The following KDM5B variants were observed in gnomAD, a reference collection of about 807,000 sequenced individuals.
KDM5B encodes lysine-specific demethylase 5B.
Under a neutral mutation model 193.4 loss-of-function variants are expected in KDM5B, and 144 were observed. The ratio of observed to expected loss-of-function variants is 0.74; its 90% CI spans 0.65 to 0.86. The LOEUF is 0.86. Among genes scored for constraint, KDM5B ranks in the 40% least tolerant of loss-of-function variants. KDM5B has a pLI of 0.00. For synonymous variants in KDM5B, 668 were observed against 682.6 expected (o/e 0.98, Z 0.33); for missense variants, 1,833 against 1,886.9 (o/e 0.97, Z 0.53).
chr1:202,731,463 G>C (rs1303642113), intron 24 of KDM5B, among the ~76,000 whole-genome samples: 1 of 152,206 alleles, frequency 6.6e-6, no homozygotes, highest in East Asian at 1.9e-4. Context: ...GAGATGCTAT[G>C]ACTAAGGATC....
At chr1:202,783,005 G>A (rs374344363) in intron 1 of KDM5B, among the ~76,000 whole-genome samples, 1 of 152,154 alleles carries the variant, frequency 6.6e-6, no homozygotes, top group Non-Finnish European at 1.5e-5. Flanking sequence ...CAGCACTTTC[G>A]GAGGCCAAGG....
chr1:202,728,469 C>T lies in KDM5B; in HGVS notation c.*567G>A, dbSNP rs764776543. ...TTTTAATTCCAGCCACTGAAACCAA[C>T]ATAGAAGTTATTGCTCAGATAAATA... On this transcript the variant is annotated 3_prime_UTR_variant, in exon 27 of 27. Coordinates refer to ENST00000367265, the MANE Select transcript of KDM5B (RefSeq NM_006618.5). The T allele has an allele frequency of 6.5e-6, 1 of 152,998 alleles. No homozygotes were observed. Among genetic ancestry groups the T allele is most frequent in the Non-Finnish European group, 1.5e-5 (1 of 68,368 alleles). The allele number at this position is 152,998 out of a possible 1,614,324, so 9.5% of individuals were successfully genotyped here.
intron 1 of KDM5B, chr1:202,806,789 G>C (rs1658309835): frequency 6.6e-6 from 1 of 152,150 alleles, no homozygotes; most frequent in Non-Finnish European, 1.5e-5. Context: ...AGAAAGGGGT[G>C]GGAAGGGGTC....
At chr1:202,780,217 G>T (rs763557271) in intron 1 of KDM5B, among the ~76,000 whole-genome samples, 1 of 152,030 alleles carries the variant, frequency 6.6e-6, no homozygotes, top group Non-Finnish European at 1.5e-5. Context: ...GTCTCATGCT[G>T]TCACCCAGGC....
In KDM5B at chr1:202,733,771, A is replaced by C. The variant is rs1387561484; in HGVS notation, c.3539T>G (p.Leu1180Arg). ...AGGGGCAGCTGGGGCCTTCTGACAT[A>C]GGCAGATTTTTATATCCACATCTTG... The part of the protein sequence containing the change: ...PLQDVDIKIC[L>R]CQKAPAAPMI... Residue 1180 changes from leucine (L) to arginine (R), a missense_variant, in exon 23 of 27, where the codon CTA becomes CGA. By Grantham distance (102) the Leu-to-Arg change is moderately radical. Transcript: ENST00000367265. The C allele has an allele frequency of 6.2e-7, 1 of 1,614,164 alleles. No homozygotes were observed. Among genetic ancestry groups the C allele is most frequent in the Non-Finnish European group, 8.5e-7 (1 of 1,180,022 alleles).
At position 202,729,927 on chromosome 1, in the gene KDM5B, C is replaced by T. The variant is rs1325177103; in HGVS notation, c.4277G>A (p.Arg1426Gln). The T allele has an allele frequency of 4.3e-6, 7 of 1,613,970 alleles. No individual in the cohort carries two copies. The African/African-American group carries it at 5.3e-5, about 12-fold the overall frequency. ...TTTGGGGGTCCGCATTTTCTTAACT[C>T]GTTCCCACCGCTCACTGGAGAGGCC... ...REGLSSERWE[R>Q]VKKMRTPKKK... The change falls in exon 26 of 27, where the codon CGA becomes CAA. Residue 1426 changes from arginine to glutamine, a missense_variant. Physicochemically the swap from Arg to Gln is conservative, Grantham distance 43 (BLOSUM62 1). Coordinates refer to ENST00000367265, the MANE Select transcript of KDM5B (RefSeq NM_006618.5).
intron 9 of KDM5B, 136 bp from the exon 10 acceptor site, chr1:202,756,652 A>T (rs1656024280): frequency 1.8e-6 from 1 of 568,318 alleles, no homozygotes; most frequent in Non-Finnish European, 2.8e-6. Flanking sequence ...ATCTTAGGCA[A>T]TTCAGGAAAC....
intron 1 of KDM5B, among the ~76,000 whole-genome samples, chr1:202,782,760 TAACATAA>T (rs1454894301): frequency 6.6e-6 from 1 of 152,242 alleles, no homozygotes; most frequent in African/African-American, 2.4e-5. Context: ...TCACTTTTTC[TAACATAA>T]AACAGCCTTT....
intron 14 of KDM5B, 72 bp from the exon 15 acceptor site, chr1:202,746,395 T>C (rs1020822165): frequency 1.8e-5 from 17 of 930,306 alleles, no homozygotes; most frequent in Middle Eastern, 2.5e-4. Flanking sequence ...AAACATGCAG[T>C]AGTACTTGAG....
chr1:202,752,943 T>C lies in KDM5B; in HGVS notation c.1663A>G (p.Ile555Val), dbSNP rs960219126. ...GTCATCAGGGTATTGGGGTTCATGA[T>C]GGTCACAAGCTGATGGAGGAGATCC... ...QPDLLHQLVT[I>V]MNPNTLMTHE... Residue 555 changes from isoleucine to valine, a missense_variant, in exon 12 of 27, where the codon ATC becomes GTC. Physicochemically the swap from Ile to Val is conservative, Grantham distance 29. This residue lies in a region of KDM5B where 1,379 missense variants were observed against 1,349.6 expected (regional missense o/e 1.02). Transcript: ENST00000367265. 7 of 1,614,026 alleles carry C rather than the reference T, an allele frequency of 4.3e-6. No individual in the cohort carries two copies. Among genetic ancestry groups the C allele is most frequent in the East Asian group, 2.2e-5 (1 of 44,900 alleles).
intron 17 of KDM5B, 68 bp from the exon 18 acceptor site, chr1:202,742,573 C>CA: frequency 6.2e-7 from 1 of 1,601,378 alleles, no homozygotes; most frequent in Non-Finnish European, 8.6e-7. Context: ...CAGGTGGTCA[C>CA]AGAAATTCAA....
chr1:202,775,284 T>A (rs553983105), intron 2 of KDM5B, among the ~76,000 whole-genome samples: 4 of 151,794 alleles, frequency 2.6e-5, no homozygotes, highest in Non-Finnish European at 5.9e-5. Context: ...ATGGCTGTAA[T>A]CCCAGCACTT....
At position 202,729,775 on chromosome 1, in the gene KDM5B, G is replaced by C; in HGVS notation, c.4429C>G (p.Gln1477Glu). ...SLPSDTSYSE[Q>E]EDSEDEDAIC... ...GCATCTTCATCCTCAGAGTCTTCCT[G>C]TTCGGAATAGGATGTGTCTGAGGGC... The change falls in exon 26 of 27, where the codon CAG becomes GAG. Residue 1477 changes from glutamine to glutamate, a missense_variant. Physicochemically the swap from Gln to Glu is conservative, Grantham distance 29. Transcript: ENST00000367265. 1 of 1,614,058 alleles carries C rather than the reference G, an allele frequency of 6.2e-7. No homozygotes were observed. Among genetic ancestry groups the C allele is most frequent in the Non-Finnish European group, 8.5e-7 (1 of 1,179,902 alleles).
At chr1:202,795,574 C>T (rs1558519158) in intron 1 of KDM5B, among the ~76,000 whole-genome samples, 1 of 151,876 alleles carries the variant, frequency 6.6e-6, no homozygotes, top group Admixed American at 6.6e-5. Context: ...ATCACTTGAA[C>T]CCAGAGGCAG....
chr1:202,727,093 T>C lies in KDM5B; in HGVS notation c.*1943A>G, dbSNP rs1269458144. 1.3e-5 allele frequency: 2 copies of C among 152,180 alleles called. No homozygotes were observed. The highest frequency in any genetic ancestry group is 2.1e-4 in the South Asian group (1 of 4,814). The allele number at this position is 152,180 out of a possible 1,614,324, so 9.4% of individuals were successfully genotyped here. On this transcript the variant is annotated 3_prime_UTR_variant, in exon 27 of 27. Coordinates refer to ENST00000367265, the MANE Select transcript of KDM5B (RefSeq NM_006618.5). ...CCACCCACAGGTGAAGAAGAAAAAC[T>C]AGTGGGGATGGGGGTAGGGGTTGTG...
chr1:202,763,964 T>C (rs566574765), intron 6 of KDM5B, 85 bp downstream of exon 6: 3 of 794,052 alleles, frequency 3.8e-6, no homozygotes, highest in South Asian at 1.6e-5. Context: ...TTTTTTCTAT[T>C]GAATTTTCAG....
intron 5 of KDM5B, chr1:202,766,561 T>G (rs975028585): frequency 7.1e-6 from 3 of 421,984 alleles, no homozygotes; most frequent in South Asian, 5.3e-5. Flanking sequence ...CTAACCACTC[T>G]GTTTAAAAAA....
chr1:202,761,134 T>C (rs1028956419), intron 7 of KDM5B, among the ~76,000 whole-genome samples: 3 of 152,118 alleles, frequency 2.0e-5, no homozygotes, highest in African/African-American at 7.2e-5. Flanking sequence ...TGTCTTAAAG[T>C]TAACCACATT....
At chr1:202,784,598 G>T (rs1657330635) in intron 1 of KDM5B, among the ~76,000 whole-genome samples, 1 of 152,150 alleles carries the variant, frequency 6.6e-6, no homozygotes, top group African/African-American at 2.4e-5. Flanking sequence ...AAATGCAAAA[G>T]GTAGAACTAG....
Sources: allele counts gnomAD v4.1 joint callset (sites outside exome capture counted in the v4.1 genomes callset), GRCh38; gene constraint gnomAD v4.1.1; regional missense constraint gnomAD v4.1.1; transcripts MANE v1.5; gene names NCBI Gene and HGNC (gene_info 2026-07-23, HGNC 2026-07-21).